USH2A: variants seen among roughly 807,000 people sequenced by gnomAD.
USH2A encodes usherin.
Under a neutral mutation model 538.9 loss-of-function variants are expected in USH2A, and 443 were observed. The ratio of observed to expected loss-of-function variants is 0.82; its 90% CI spans 0.76 to 0.89. USH2A has a LOEUF of 0.89. Ranked by LOEUF, USH2A falls within the 40% of genes least tolerant of loss-of-function variation. USH2A has a pLI of 0.00. For missense variants in USH2A, 6,633 were observed against 6,324.8 expected, an observed-to-expected ratio of 1.05 and a Z score of -1.65; for synonymous variants, 2,413 against 2,273.5, an observed-to-expected ratio of 1.06 and a Z score of -1.75.
Position 216,139,838 on chromosome 1 carries a change from G to T in USH2A, c.4627+35414C>A, listed in dbSNP as rs140947055. Among the ~76,000 whole-genome samples, 494 of 152,236 alleles carry T rather than the reference G, an allele frequency of 3.2e-3. 4 individuals are homozygous for T. The highest frequency in any genetic ancestry group is 0.012 in the African/African-American group (480 of 41,546). ...TTTGGGAACTTGTCTGAGGCCGCTG[G>T]TTATATATTTGTATTGCCTCCATCT... On this transcript the variant is annotated intron_variant, in intron 21 of 71. Transcript: ENST00000307340.
chr1:215,997,859 G>C (rs1157164091), intron 34 of USH2A, among the ~76,000 whole-genome samples: 1 of 152,070 alleles, frequency 6.6e-6, no homozygotes, highest in Non-Finnish European at 1.5e-5. Context: ...CCAAAGTGCT[G>C]TTTCATAAAC....
chr1:215,637,084 ACT>A (rs778645793), intron 69 of USH2A, among the ~76,000 whole-genome samples: 41 of 151,926 alleles, frequency 2.7e-4, no homozygotes, highest in South Asian at 1.3e-3. Flanking sequence ...AGGGTTTGAA[ACT>A]CTGGTGGCTG....
intron 10 of USH2A, among the ~76,000 whole-genome samples, chr1:216,290,482 G>T (rs909870021): frequency 6.6e-6 from 1 of 152,100 alleles, no homozygotes; most frequent in Non-Finnish European, 1.5e-5. Flanking sequence ...TAATACAGTA[G>T]TAAACTAAAT....
intron 14 of USH2A, 109 bp from the exon 15 acceptor site, chr1:216,217,659 C>A: frequency 7.7e-7 from 1 of 1,296,836 alleles, no homozygotes; most frequent in Non-Finnish European, 1.1e-6. Flanking sequence ...CTTGTTTTAG[C>A]CAATATATTG....
intron 9 of USH2A, among the ~76,000 whole-genome samples, chr1:216,306,636 C>T (rs533454439): frequency 3.3e-5 from 5 of 152,160 alleles, no homozygotes; most frequent in Non-Finnish European, 7.4e-5. Flanking sequence ...TTTGGTTAGA[C>T]TATGTCAGAG....
intron 50 of USH2A, among the ~76,000 whole-genome samples, chr1:215,792,823 T>G (rs753408095): frequency 3.9e-5 from 6 of 152,232 alleles, no homozygotes; most frequent in Non-Finnish European, 8.8e-5. Flanking sequence ...ATTTTAAATA[T>G]GCCCAAAGAA....
chr1:216,411,561 C>T (rs1017266022), intron 3 of USH2A, among the ~76,000 whole-genome samples: 7 of 152,140 alleles, frequency 4.6e-5, no homozygotes, highest in Non-Finnish European at 1.0e-4. Context: ...AGTGATGTAG[C>T]TACAAGCTAA....
chr1:215,637,865 C>G (rs1656547189), intron 69 of USH2A, among the ~76,000 whole-genome samples: 1 of 151,494 alleles, frequency 6.6e-6, no homozygotes, highest in African/African-American at 2.4e-5. Context: ...TTTGATATAT[C>G]ATTAATTACT....
chr1:216,042,920 G>A (rs988109794), intron 32 of USH2A, among the ~76,000 whole-genome samples: 14 of 152,158 alleles, frequency 9.2e-5, no homozygotes, highest in Admixed American at 5.9e-4. Flanking sequence ...CACCTACAGT[G>A]AGGAGGCCAC....
chr1:216,059,189 T>A (rs7539700), intron 30 of USH2A, among the ~76,000 whole-genome samples: 1 of 152,162 alleles, frequency 6.6e-6, no homozygotes, highest in African/African-American at 2.4e-5. Flanking sequence ...TACATACATA[T>A]ATAGAGTAGC....
chr1:215,881,126 T>C (rs1214147135), intron 41 of USH2A, among the ~76,000 whole-genome samples: 1 of 151,922 alleles, frequency 6.6e-6, no homozygotes, highest in East Asian at 1.9e-4. Context: ...ATCAATCAAT[T>C]AATCAATGTG....
At chr1:216,054,106 A>G (rs2030890486) in intron 30 of USH2A, among the ~76,000 whole-genome samples, 1 of 152,190 alleles carries the variant, frequency 6.6e-6, no homozygotes, top group Non-Finnish European at 1.5e-5. Flanking sequence ...CTTATCCTCT[A>G]TCCCAGCAGC....
intron 37 of USH2A, among the ~76,000 whole-genome samples, chr1:215,955,740 T>G (rs17025707): frequency 0.12 from 17,780 of 152,150 alleles, 1,177 homozygotes; most frequent in African/African-American, 0.18. Context: ...TTGAGTAAAG[T>G]AACACATTGA....
At chr1:216,224,288 T>C (rs1209567650) in intron 14 of USH2A, among the ~76,000 whole-genome samples, 1 of 152,138 alleles carries the variant, frequency 6.6e-6, no homozygotes, top group Non-Finnish European at 1.5e-5. Context: ...GTGCAGGGTG[T>C]CAAATATGGG....
At chr1:216,062,384 T>C (rs936321807) in intron 30 of USH2A, among the ~76,000 whole-genome samples, 1 of 151,970 alleles carries the variant, frequency 6.6e-6, no homozygotes, top group Non-Finnish European at 1.5e-5. Flanking sequence ...ACTAGAAGAA[T>C]TAAAAATCAT....
chr1:216,281,141 T>G (rs1159143), intron 11 of USH2A, among the ~76,000 whole-genome samples: 101,369 of 151,954 alleles, frequency 0.67, 35,869 homozygotes, highest in Non-Finnish European at 0.77. Context: ...GTCTCTATAC[T>G]TGGAGCATGA....
intron 32 of USH2A, among the ~76,000 whole-genome samples, chr1:216,015,717 G>C (rs982995175): frequency 3.3e-5 from 5 of 152,320 alleles, no homozygotes; most frequent in African/African-American, 1.2e-4. Context: ...ATGCTAACTG[G>C]TGTGAGATGG....
intron 26 of USH2A, chr1:216,079,270 C>T (rs535501423): frequency 6.6e-6 from 1 of 152,214 alleles, no homozygotes; most frequent in Non-Finnish European, 1.5e-5. Flanking sequence ...GTGCCATATA[C>T]CTGCTGCTCT....
intron 61 of USH2A, among the ~76,000 whole-genome samples, chr1:215,718,115 A>G (rs567615897): frequency 6.6e-6 from 1 of 152,310 alleles, no homozygotes; most frequent in South Asian, 2.1e-4. Context: ...CTAGCTTACT[A>G]TTACCCAGGC....
Sources: gnomAD v4.1 joint callset for allele counts (sites outside exome capture counted in the v4.1 genomes callset) on GRCh38, gnomAD v4.1.1 for gene constraint, MANE v1.5 for transcripts, NCBI Gene and HGNC (gene_info 2026-07-23, HGNC 2026-07-21) for gene names.